The following DGKH variants were observed in gnomAD, a reference collection of about 807,000 sequenced individuals.
DGKH encodes the protein DAG kinase eta.
A neutral mutation model predicts 159.3 loss-of-function variants in DGKH; 90 were observed. The observed-to-expected ratio is 0.57, with a 90% CI of 0.48 to 0.67. DGKH has a LOEUF of 0.67. DGKH is among the 30% of genes least tolerant of loss of function. DGKH has a pLI of 0.00. For synonymous variants in DGKH, 536 were observed against 553.8 expected, an observed-to-expected ratio of 0.97 and a Z score of 0.45; for missense variants, 1,181 against 1,506.1, an observed-to-expected ratio of 0.78 and a Z score of 3.57.
At chr13:42,216,755 C>T (rs1001035883) in intron 26 of DGKH, 9 of 152,168 alleles carry the variant, frequency 5.9e-5, no homozygotes, top group Non-Finnish European at 8.8e-5. Context: ...ATGAAGAAAA[C>T]CTTTTACGAA....
chr13:42,043,593 A>G (rs1272322563), intron 1 of DGKH: 2 of 152,140 alleles, frequency 1.3e-5, no homozygotes, highest in Admixed American at 1.3e-4. Flanking sequence ...TGGCATCCCA[A>G]AGAGCTAGGA....
chr13:42,161,523 T>G lies in DGKH; in HGVS notation c.855+1387T>G, dbSNP rs1760624598. On this transcript the variant is annotated intron_variant, in intron 7 of 29. Coordinates refer to ENST00000337343, the MANE Select transcript of DGKH (RefSeq NM_178009.5). ...TTAGCTGGGCGTGGTGGTGGGCGCC[T>G]GTAATCCCAGCACTTTGGGAGGCCA... is the stretch of plus-strand genomic sequence containing the variant. 1.4e-5 allele frequency among the ~76,000 whole-genome samples: 2 copies of G among 144,662 alleles called. 1 individual carries two copies. Among genetic ancestry groups the G allele is most frequent in the Non-Finnish European group, 3.1e-5 (2 of 64,604 alleles). 94.9% of individuals were successfully genotyped at this position (144,662 alleles called of 152,430 possible). A position where few individuals can be genotyped will look rare whatever the true frequency, so the allele number is the denominator to read the frequency against.
At position 42,198,506 on chromosome 13, in the gene DGKH, T is replaced by C; in HGVS notation, c.2196T>C (p.Ile732=). The change falls in exon 18 of 30, where the codon ATT becomes ATC. Residue 732 remains isoleucine, a synonymous_variant. Transcript: ENST00000337343. ...TAAGAGCAGGACTGGCTGCCTCAAT[T>C]GCTGGGAGTTCGATTATCAACAAAA... The part of the protein sequence containing the change: ...PGLRAGLAAS[I]AGSSIINKML... 2 of 1,613,900 alleles carry C rather than the reference T, an allele frequency of 1.2e-6. No homozygotes were observed. Among genetic ancestry groups the C allele is most frequent in the Non-Finnish European group, 1.7e-6 (2 of 1,179,844 alleles).
At chr13:42,157,132 G>C (rs934845535) in intron 5 of DGKH, among the ~76,000 whole-genome samples, 14 of 152,174 alleles carry the variant, frequency 9.2e-5, no homozygotes, top group Non-Finnish European at 1.9e-4. Context: ...AAAATTTGGA[G>C]AAGGCATTAA....
chr13:42,117,644 A>G (rs1186227285), intron 1 of DGKH, among the ~76,000 whole-genome samples: 1 of 152,186 alleles, frequency 6.6e-6, no homozygotes, highest in Non-Finnish European at 1.5e-5. Context: ...GGCAAGGACT[A>G]TATTTTATAC....
In DGKH at chr13:42,107,081, C is replaced by A. The variant is rs536654455; in HGVS notation, c.193-20382C>A. On this transcript the variant is annotated intron_variant, in intron 1 of 29. Transcript: ENST00000337343. Reference sequence around the variant, plus strand: ...AGAAAAGATAATTTTGTGCATCACACTCCTGTGTGAATCTATTGCAATTTA... The same window carrying A: ...AGAAAAGATAATTTTGTGCATCACAATCCTGTGTGAATCTATTGCAATTTA... Among the ~76,000 whole-genome samples the A allele has an allele frequency of 2.0e-5, 3 of 152,366 alleles. No homozygotes were observed. In the South Asian group the frequency reaches 6.2e-4, roughly 32 times the overall value.
At chr13:42,111,197 T>C (rs1954857232) in intron 1 of DGKH, among the ~76,000 whole-genome samples, 1 of 152,200 alleles carries the variant, frequency 6.6e-6, no homozygotes, top group African/African-American at 2.4e-5. Context: ...TACATCATTA[T>C]AGATATTCTC....
chr13:42,067,965 A>G (rs1375639263), intron 1 of DGKH, among the ~76,000 whole-genome samples: 1 of 152,130 alleles, frequency 6.6e-6, no homozygotes, highest in Non-Finnish European at 1.5e-5. Context: ...CATGCACACA[A>G]TTCTAACATT....
rs1283706733 is a variant in DGKH, at chr13:42,235,908, T to C, written c.*6720T>C. ...TTATACAACAGGTTTCTCCTTTTGCTGTTATTTTCATATTAAAATTTTTCT... is the reference window on the plus strand; with the variant it reads ...TTATACAACAGGTTTCTCCTTTTGCCGTTATTTTCATATTAAAATTTTTCT... On this transcript the variant is annotated 3_prime_UTR_variant, in exon 30 of 30. Transcript: ENST00000337343. 6.6e-6 allele frequency: 1 copy of C among 152,202 alleles called. No individual in the cohort carries two copies. Among genetic ancestry groups the C allele is most frequent in the Non-Finnish European group, 1.5e-5 (1 of 68,008 alleles). 9.4% of individuals were successfully genotyped at this position (152,202 alleles called of 1,614,324 possible).
intron 5 of DGKH, among the ~76,000 whole-genome samples, chr13:42,158,320 A>C (rs1379157288): frequency 6.6e-6 from 1 of 152,202 alleles, no homozygotes; most frequent in African/African-American, 2.4e-5. Flanking sequence ...AGCAACACTT[A>C]CCTTAGTATG....
chr13:42,178,003 T>C, intron 12 of DGKH, 132 bp from the exon 13 acceptor site: 1 of 466,996 alleles, frequency 2.1e-6, no homozygotes, highest in Non-Finnish European at 3.6e-6. Context: ...ATGATGACTC[T>C]TTCATATATT....
chr13:42,133,245 C>CT (rs1195377725), intron 3 of DGKH, among the ~76,000 whole-genome samples: 1 of 151,462 alleles, frequency 6.6e-6, no homozygotes, highest in African/African-American at 2.4e-5. Context: ...TCTGTCATAC[C>CT]TTTTTAATCT....
chr13:42,253,240 A>G (rs1393762031), intron 30 of DGKH, among the ~76,000 whole-genome samples: 1 of 152,088 alleles, frequency 6.6e-6, no homozygotes, highest in African/African-American at 2.4e-5. Flanking sequence ...GGAAGTGATT[A>G]GGTCATGAGA....
intron 1 of DGKH, among the ~76,000 whole-genome samples, chr13:42,084,004 G>A (rs9315886): frequency 0.25 from 37,877 of 152,006 alleles, 5,286 homozygotes; most frequent in Admixed American, 0.35. Flanking sequence ...CCTTTTACAG[G>A]TAGAGACAGC....
chr13:42,126,509 A>T (rs2137838352), intron 1 of DGKH, among the ~76,000 whole-genome samples: 1 of 152,296 alleles, frequency 6.6e-6, no homozygotes, highest in East Asian at 1.9e-4. Context: ...GAAACGCTAG[A>T]TGAGGTCAGA....
intron 1 of DGKH, among the ~76,000 whole-genome samples, chr13:42,072,644 A>G (rs4942088): frequency 0.26 from 39,901 of 152,112 alleles, 5,665 homozygotes; most frequent in Admixed American, 0.36. Flanking sequence ...AATTTACTAG[A>G]TTGTAAAATC....
upstream of DGKH, chr13:42,043,809 ATAACAAT>A (rs1880651032): frequency 6.6e-6 from 1 of 152,158 alleles, no homozygotes; most frequent in Non-Finnish European, 1.5e-5. Context: ...GCATGTACAT[ATAACAAT>A]AGCATGCATG....
rs1405816583 is a variant in DGKH at position 42,210,520 on chromosome 13, A to G, written c.2851-82A>G. 2.2e-5 allele frequency: 30 copies of G among 1,343,396 alleles called. 1 individual carries two copies. The highest frequency in any genetic ancestry group is 1.0e-4 in the South Asian group (7 of 70,238). The allele number at this position is 1,343,396 out of a possible 1,614,324, so 83.2% of individuals were successfully genotyped here. ...TTGAGGAGTCATTAGAGAAAAAGCA[A>G]TTGTAGTTTTATTAAAGCACACATT... On this transcript the variant is annotated intron_variant, in intron 23 of 29. Coordinates refer to ENST00000337343, the MANE Select transcript of DGKH (RefSeq NM_178009.5).
intron 1 of DGKH, among the ~76,000 whole-genome samples, chr13:42,078,137 G>A (rs890827707): frequency 6.6e-6 from 1 of 152,162 alleles, no homozygotes; most frequent in African/African-American, 2.4e-5. Flanking sequence ...AGAATCAAAA[G>A]AAGTGTAGTA....
Sources: allele counts gnomAD v4.1 joint callset (sites outside exome capture counted in the v4.1 genomes callset), GRCh38; gene constraint gnomAD v4.1.1; transcripts MANE v1.5; gene names NCBI Gene and HGNC (gene_info 2026-07-23, HGNC 2026-07-21).